Variants in LEF1 observed in about 807,000 individuals in gnomAD.
LEF1 encodes the protein lymphoid enhancer binding factor 1.
A neutral mutation model predicts 51.2 loss-of-function variants in LEF1; 14 were observed. The observed-to-expected ratio is 0.27, with a 90% confidence interval of 0.18 to 0.43. The LOEUF (loss-of-function observed/expected upper bound fraction) is 0.43. LEF1 is among the 20% of genes least tolerant of loss of function. The pLI is 1.00. For synonymous variants in LEF1, 185 were observed against 183.2 expected (o/e 1.01, Z -0.08); for missense variants, 386 against 512.0 (o/e 0.75, Z 2.37).
intron 3 of LEF1, among the ~76,000 whole-genome samples, chr4:108,102,582 GCATAGA>G (rs1360593252): frequency 1.3e-5 from 2 of 152,186 alleles, no homozygotes; most frequent in Non-Finnish European, 2.9e-5. Context: ...AGAGTCAGTT[GCATAGA>G]CATAAAGTCA....
intron 3 of LEF1, among the ~76,000 whole-genome samples, chr4:108,158,433 AGAGC>A (rs1035517300): frequency 2.6e-4 from 40 of 152,080 alleles, no homozygotes; most frequent in African/African-American, 9.6e-4. Context: ...AGAGAGAGAG[AGAGC>A]GCGCAACCTT....
chr4:108,136,040 G>C (rs1743244853), intron 3 of LEF1, among the ~76,000 whole-genome samples: 1 of 152,176 alleles, frequency 6.6e-6, no homozygotes, highest in East Asian at 1.9e-4. Flanking sequence ...AGGGGAAGGT[G>C]ATGATGTGAT....
At chr4:108,056,452 T>C (rs1737307405) in intron 11 of LEF1, among the ~76,000 whole-genome samples, 1 of 152,200 alleles carries the variant, frequency 6.6e-6, no homozygotes, top group African/African-American at 2.4e-5. Context: ...GCACTTGCCA[T>C]CAAAAGGCTC....
intron 3 of LEF1, among the ~76,000 whole-genome samples, chr4:108,099,526 AT>A (rs1740612958): frequency 7.5e-6 from 1 of 133,418 alleles, no homozygotes; most frequent in African/African-American, 2.7e-5. Context: ...ATGTATATAT[AT>A]ATATATATGT....
intron 3 of LEF1, among the ~76,000 whole-genome samples, chr4:108,116,521 A>C (rs76027781): frequency 0.032 from 4,851 of 152,286 alleles, 100 homozygotes; most frequent in Middle Eastern, 0.12. Flanking sequence ...GACTGTCTCA[A>C]ACAAAAAGAA....
chr4:108,136,514 T>C (rs1156530076), intron 3 of LEF1, among the ~76,000 whole-genome samples: 2 of 151,114 alleles, frequency 1.3e-5, no homozygotes, highest in African/African-American at 2.4e-5. Context: ...CATAGTATTA[T>C]AACAATTCCA....
chr4:108,167,885 G>T lies in LEF1; in HGVS notation c.-118C>A. ...AGAGTTGGAAGGGTTCGTGCAGCAG[G>T]ACAGCGGGCGGAAGCGGGGCGGGCG... On this transcript the variant is annotated 5_prime_UTR_variant, in exon 1 of 12. Coordinates refer to ENST00000265165, the MANE Select transcript of LEF1 (RefSeq NM_016269.5). This position sits in a 1 kb window ranked among gnomAD's most constrained non-coding sequence, Gnocchi z 5.7. 1 of 771,926 alleles carries T rather than the reference G, an allele frequency of 1.3e-6. No individual in the cohort carries two copies. Among genetic ancestry groups the T allele is most frequent in the Non-Finnish European group, 1.9e-6 (1 of 534,258 alleles). The allele number at this position is 771,926 out of a possible 1,614,324, so 47.8% of individuals were successfully genotyped here.
chr4:108,164,866 G>A (rs1745283553), intron 2 of LEF1, among the ~76,000 whole-genome samples: 1 of 152,112 alleles, frequency 6.6e-6, no homozygotes, highest in South Asian at 2.1e-4. Flanking sequence ...AAAGAATCTG[G>A]AACCCACCTG....
chr4:108,083,959 C>T (rs2126292145), intron 4 of LEF1, among the ~76,000 whole-genome samples: 1 of 152,256 alleles, frequency 6.6e-6, no homozygotes, highest in Admixed American at 6.5e-5. Flanking sequence ...CATCTTCAGC[C>T]CCATAATGGT....
At chr4:108,130,871 A>T (rs1216063636) in intron 3 of LEF1, among the ~76,000 whole-genome samples, 5 of 152,078 alleles carry the variant, frequency 3.3e-5, no homozygotes, top group African/African-American at 1.2e-4. Flanking sequence ...GGCATACAAA[A>T]TTTTTTTTCT....
At chr4:108,082,417 G>GGA (rs373599034) in intron 5 of LEF1, among the ~76,000 whole-genome samples, 5 of 152,058 alleles carry the variant, frequency 3.3e-5, no homozygotes, top group South Asian at 4.2e-4. Context: ...GTAATGCTAG[G>GGA]GAGAGAGAGA....
intron 9 of LEF1, 120 bp from the exon 10 acceptor site, chr4:108,064,504 C>T (rs1737918787): frequency 1.2e-5 from 8 of 661,874 alleles, no homozygotes; most frequent in Non-Finnish European, 2.1e-5. Context: ...TTCTCTCTCC[C>T]TCTTCACCAT....
chr4:108,122,114 G>A (rs1285734464), intron 3 of LEF1, among the ~76,000 whole-genome samples: 2 of 152,062 alleles, frequency 1.3e-5, no homozygotes, highest in Non-Finnish European at 2.9e-5. Flanking sequence ...CAATCTTAAT[G>A]GTTGTTCAAA....
intron 3 of LEF1, among the ~76,000 whole-genome samples, chr4:108,093,147 T>C (rs760141010): frequency 6.6e-6 from 1 of 152,134 alleles, no homozygotes; most frequent in African/African-American, 2.4e-5. Flanking sequence ...CACCAGGGAA[T>C]GGGTAGGTCA....
chr4:108,124,043 G>A (rs1003711870), intron 3 of LEF1, among the ~76,000 whole-genome samples: 5 of 152,122 alleles, frequency 3.3e-5, no homozygotes, highest in Non-Finnish European at 7.3e-5. Context: ...TGCTACTCCA[G>A]AGGCTGATGT....
In LEF1 at chr4:108,167,835, T is replaced by C. The variant is rs1745514614; in HGVS notation, c.-68A>G. 7.2e-7 allele frequency: 1 copy of C among 1,392,616 alleles called. No individual in the cohort carries two copies. Among genetic ancestry groups the C allele is most frequent in the Non-Finnish European group, 1.0e-6 (1 of 1,000,524 alleles). The allele number at this position is 1,392,616 out of a possible 1,614,324, so 86.3% of individuals were successfully genotyped here. A position where few individuals can be genotyped will look rare whatever the true frequency, so the allele number is the denominator to read the frequency against. The stretch of plus-strand genomic sequence containing the variant: ...CGCAACAGCAGGAAAGACAGAGGGG[T>C]AACTCAAGGGTGGGGGAGGAAAGGA... On this transcript the variant is annotated 5_prime_UTR_variant, in exon 1 of 12. Coordinates refer to ENST00000265165, the MANE Select transcript of LEF1 (RefSeq NM_016269.5). The surrounding 1 kb of genome is among the most constrained non-coding windows in gnomAD (Gnocchi z 5.7).
intron 11 of LEF1, among the ~76,000 whole-genome samples, chr4:108,058,233 A>T (rs902531243): frequency 2.0e-5 from 3 of 152,160 alleles, no homozygotes; most frequent in Non-Finnish European, 4.4e-5. Context: ...ATGTCATACA[A>T]CTAAAAGAAA....
At chr4:108,130,147 T>C (rs965050787) in intron 3 of LEF1, among the ~76,000 whole-genome samples, 16 of 152,048 alleles carry the variant, frequency 1.1e-4, no homozygotes, top group Non-Finnish European at 1.9e-4. Context: ...GCCCTTCAAA[T>C]CACTCCCTTC....
At chr4:108,154,443 C>CAAA (rs10672899) in intron 3 of LEF1, among the ~76,000 whole-genome samples, 19,753 of 71,866 alleles carry the variant, frequency 0.27, 4,292 homozygotes, top group East Asian at 0.54. Context: ...AAGGTAGTAG[C>CAAA]AAAAAAAAAA....
Sources: gnomAD v4.1 joint callset for allele counts (sites outside exome capture counted in the v4.1 genomes callset) on GRCh38, gnomAD v4.1.1 for gene constraint, Gnocchi (gnomAD v3.1) non-coding constraint, MANE v1.5 for transcripts, NCBI Gene and HGNC (gene_info 2026-07-23, HGNC 2026-07-21) for gene names.